SNTB2: variants seen among roughly 807,000 people sequenced by gnomAD.
SNTB2 encodes beta-2-syntrophin.
In SNTB2, 34 loss-of-function variants were observed where a neutral mutation model predicts 46.2. The ratio of observed to expected loss-of-function variants is 0.74; its 90% CI spans 0.56 to 0.98. SNTB2 has a LOEUF of 0.98. Among genes scored for constraint, SNTB2 ranks in the 50% least tolerant of loss-of-function variants. The pLI, the probability that SNTB2 is intolerant of heterozygous loss-of-function variation, is 0.00. For synonymous variants in SNTB2, 290 were observed against 312.6 expected, an observed-to-expected ratio of 0.93 and a Z score of 0.76; for missense variants, 603 against 731.4, an observed-to-expected ratio of 0.82 and a Z score of 2.02.
intron 5 of SNTB2, among the ~76,000 whole-genome samples, chr16:69,292,372 ATATATATT>A (rs1567416308): frequency 0.07 from 2,990 of 42,878 alleles, 621 homozygotes; most frequent in African/African-American, 0.17. Flanking sequence ...ATATATATAT[ATATATATT>A]ATATATATAT....
Position 69,303,671 on chromosome 16 carries a change from G to GATGTTA in SNTB2, c.*2747_*2748insATGTTA, listed in dbSNP as rs1965294016. On this transcript the variant is annotated 3_prime_UTR_variant, in exon 7 of 7. Coordinates refer to ENST00000336278, the MANE Select transcript of SNTB2 (RefSeq NM_006750.4). ...TTCTTACATACCTAACAGCTCTCCA[G>GATGTTA]TCATGATGACCAAGGTTGTTCTTCA... The GATGTTA allele has an allele frequency of 6.6e-6, 1 of 152,414 alleles. No homozygotes were observed. Among genetic ancestry groups the GATGTTA allele is most frequent in the South Asian group, 2.1e-4 (1 of 4,820 alleles). The allele number at this position is 152,414 out of a possible 1,614,324, so 9.4% of individuals were successfully genotyped here. A position where few individuals can be genotyped will look rare whatever the true frequency, so the allele number is the denominator to read the frequency against.
rs1179202194 is a variant in SNTB2 at position 69,275,071 on chromosome 16, C to T, written c.1148+4786C>T. 9.9e-5 allele frequency among the ~76,000 whole-genome samples: 15 copies of T among 151,040 alleles called. No homozygotes were observed. In the Admixed American group the frequency reaches 1.0e-3, roughly 10 times the overall value. On this transcript the variant is annotated intron_variant, in intron 4 of 6. Transcript: ENST00000336278. Reference sequence around the variant, plus strand: ...TCCCTTCCTCTCTCTCTCCTTCCTTCCTTCTCTCTTTTTTTTTCTGACGAA... The same window carrying T: ...TCCCTTCCTCTCTCTCTCCTTCCTTTCTTCTCTCTTTTTTTTTCTGACGAA...
intron 4 of SNTB2, among the ~76,000 whole-genome samples, chr16:69,279,437 T>C (rs542487963): frequency 9.2e-5 from 14 of 151,642 alleles, no homozygotes; most frequent in Non-Finnish European, 2.1e-4. Flanking sequence ...AATGCTGTAG[T>C]GAACATAGGT....
intron 1 of SNTB2, among the ~76,000 whole-genome samples, chr16:69,206,704 A>G (rs1383382085): frequency 6.6e-6 from 1 of 151,732 alleles, no homozygotes; most frequent in African/African-American, 2.4e-5. Flanking sequence ...AAAGAAAAAA[A>G]AAAAAAGAAA....
chr16:69,196,181 G>A (rs1261281542), intron 1 of SNTB2, among the ~76,000 whole-genome samples: 1 of 152,070 alleles, frequency 6.6e-6, no homozygotes, highest in Non-Finnish European at 1.5e-5. Flanking sequence ...TGAGGCTGCA[G>A]TGAGCCATGT....
intron 1 of SNTB2, among the ~76,000 whole-genome samples, chr16:69,212,317 C>A (rs762123850): frequency 2.8e-4 from 43 of 151,074 alleles, no homozygotes; most frequent in African/African-American, 9.9e-4. Context: ...GTTGAGCATG[C>A]CTTTGTGTTT....
rs57637291 is a variant in SNTB2, at chr16:69,279,515, C to CTTT, written c.1149-4507_1149-4505dup. Among the ~76,000 whole-genome samples, 377 of 71,724 alleles carry CTTT rather than the reference C, an allele frequency of 5.3e-3. 55 individuals are homozygous for CTTT. The highest frequency in any genetic ancestry group is 0.012 in the Admixed American group (68 of 5,854). The allele number at this position is 71,724 out of a possible 152,430, so 47.1% of individuals were successfully genotyped here. A position where few individuals can be genotyped will look rare whatever the true frequency, so the allele number is the denominator to read the frequency against. On this transcript the variant is annotated intron_variant, in intron 4 of 6. Coordinates refer to ENST00000336278, the MANE Select transcript of SNTB2 (RefSeq NM_006750.4). Reference sequence around the variant, plus strand: ...TATACCAAGAAGTGGGTCCTTTGCCCTTTTTTTTTTTTTTTTTTTTTTTTT... The same window carrying CTTT: ...TATACCAAGAAGTGGGTCCTTTGCCCTTTTTTTTTTTTTTTTTTTTTTTTTTTT...
intron 1 of SNTB2, among the ~76,000 whole-genome samples, chr16:69,234,830 G>C (rs1438607222): frequency 6.6e-6 from 1 of 151,914 alleles, no homozygotes; most frequent in Non-Finnish European, 1.5e-5. Flanking sequence ...AGCCTCCCAG[G>C]TAGCTGGGAT....
chr16:69,288,025 G>C (rs1208624899), intron 5 of SNTB2, among the ~76,000 whole-genome samples: 1 of 151,000 alleles, frequency 6.6e-6, no homozygotes. Context: ...AAAAAAAAAA[G>C]AGTAAATGAG....
intron 4 of SNTB2, among the ~76,000 whole-genome samples, chr16:69,272,879 G>T (rs1964951532): frequency 1.6e-5 from 2 of 123,966 alleles, no homozygotes; most frequent in South Asian, 5.1e-4. Flanking sequence ...GACAGAGCCA[G>T]ACTCTGTCTC....
At chr16:69,255,393 C>T (rs1190730578) in intron 2 of SNTB2, among the ~76,000 whole-genome samples, 1 of 151,934 alleles carries the variant, frequency 6.6e-6, no homozygotes, top group Admixed American at 6.6e-5. Flanking sequence ...AACCCCGTAT[C>T]TACTAAAAAT....
At chr16:69,296,210 G>A (rs1419621434) in intron 5 of SNTB2, among the ~76,000 whole-genome samples, 1 of 151,650 alleles carries the variant, frequency 6.6e-6, no homozygotes, top group African/African-American at 2.4e-5. Context: ...AACCCAGGAG[G>A]CAGAGGTTGT....
At chr16:69,210,087 G>A (rs554358898) in intron 1 of SNTB2, among the ~76,000 whole-genome samples, 1 of 145,262 alleles carries the variant, frequency 6.9e-6, no homozygotes, top group African/African-American at 2.6e-5. Context: ...GTGCAATGGC[G>A]CAATCTCAGC....
intron 1 of SNTB2, among the ~76,000 whole-genome samples, chr16:69,199,877 A>T (rs1426674526): frequency 6.6e-6 from 1 of 152,120 alleles, no homozygotes; most frequent in Non-Finnish European, 1.5e-5. Flanking sequence ...GACTTTTAAA[A>T]AATGTTTTAT....
At chr16:69,265,951 C>T (rs2143106672) in intron 3 of SNTB2, among the ~76,000 whole-genome samples, 1 of 152,218 alleles carries the variant, frequency 6.6e-6, no homozygotes, top group East Asian at 1.9e-4. Flanking sequence ...CCTTTTGTCT[C>T]TGGCCAGAAA....
chr16:69,190,298 A>G (rs1221067161), intron 1 of SNTB2, among the ~76,000 whole-genome samples: 1 of 152,172 alleles, frequency 6.6e-6, no homozygotes, highest in Non-Finnish European at 1.5e-5. Flanking sequence ...AATTTCAGGC[A>G]CACTTTTGCC....
At chr16:69,208,108 CAAA>C (rs887460974) in intron 1 of SNTB2, among the ~76,000 whole-genome samples, 18 of 64,420 alleles carry the variant, frequency 2.8e-4, no homozygotes, top group Non-Finnish European at 4.5e-4. Flanking sequence ...GACTTCATCT[CAAA>C]AAAAAAAAAA....
At chr16:69,268,863 T>C (rs1206277499) in intron 3 of SNTB2, among the ~76,000 whole-genome samples, 1 of 140,254 alleles carries the variant, frequency 7.1e-6, no homozygotes, top group East Asian at 2.1e-4. Flanking sequence ...AGACTCCATC[T>C]CAAAAAAAAA....
rs570117689 is a variant in SNTB2, at chr16:69,209,204, C to T, written c.580+21458C>T. ...GCCAGGATGGTCTCGATCTCCTGACCTCATGATCCGCCTGCCTCAGCCTCC... is the reference window on the plus strand; with the variant it reads ...GCCAGGATGGTCTCGATCTCCTGACTTCATGATCCGCCTGCCTCAGCCTCC... On this transcript the variant is annotated intron_variant, in intron 1 of 6. Coordinates refer to ENST00000336278, the MANE Select transcript of SNTB2 (RefSeq NM_006750.4). 2.6e-5 allele frequency among the ~76,000 whole-genome samples: 4 copies of T among 152,282 alleles called. No individual in the cohort carries two copies. In the East Asian group the frequency reaches 5.8e-4, roughly 22 times the overall value.
Sources: gnomAD v4.1 joint callset for allele counts (sites outside exome capture counted in the v4.1 genomes callset) on GRCh38, gnomAD v4.1.1 for gene constraint, MANE v1.5 for transcripts, NCBI Gene and HGNC (gene_info 2026-07-23, HGNC 2026-07-21) for gene names.